SLC26A8: variants seen among roughly 807,000 people sequenced by gnomAD.
SLC26A8 encodes testis anion transporter 1.
A neutral mutation model predicts 105.0 loss-of-function variants in SLC26A8; 70 were observed. The observed-to-expected ratio is 0.67, with a 90% CI of 0.55 to 0.81. The LOEUF is 0.81. SLC26A8 is among the 40% of genes least tolerant of loss of function. SLC26A8 has a pLI of 0.00. For synonymous variants in SLC26A8, 415 were observed against 438.3 expected, an observed-to-expected ratio of 0.95 and a Z score of 0.66; for missense variants, 998 against 1,181.8, an observed-to-expected ratio of 0.84 and a Z score of 2.28.
intron 3 of SLC26A8, among the ~76,000 whole-genome samples, chr6:36,005,404 A>C (rs1411273729): frequency 2.0e-5 from 3 of 152,038 alleles, no homozygotes; most frequent in African/African-American, 7.2e-5. Flanking sequence ...TTTAGTTGTT[A>C]TTTCCCCTTA....
At chr6:35,992,392 T>A in intron 6 of SLC26A8, 118 bp downstream of exon 6, 1 of 1,002,468 alleles carries the variant, frequency 1.0e-6, no homozygotes, top group Admixed American at 2.9e-5. Context: ...TTGACTGAGC[T>A]GCCTATAGGC....
chr6:35,954,761 A>G (rs1460583612), intron 17 of SLC26A8: 1 of 227,944 alleles, frequency 4.4e-6, no homozygotes, highest in Non-Finnish European at 8.7e-6. Context: ...CCTGGCCAAC[A>G]TGGTGAAACC....
At chr6:35,982,337 G>C (rs1411798702) in intron 7 of SLC26A8, 134 bp from the exon 8 acceptor site, 3 of 755,692 alleles carry the variant, frequency 4.0e-6, no homozygotes, top group Non-Finnish European at 6.6e-6. Flanking sequence ...ATGCATGCAA[G>C]TTGGAGAGAG....
At chr6:35,955,772 C>T (rs925902516) in intron 16 of SLC26A8, among the ~76,000 whole-genome samples, 1 of 152,164 alleles carries the variant, frequency 6.6e-6, no homozygotes, top group Admixed American at 6.5e-5. Context: ...TCATCACTGT[C>T]CCAGTGAGCC....
rs1216908205 is a variant in SLC26A8, at chr6:35,951,164, T to A, written c.2471A>T (p.Lys824Met). Residue 824 changes from lysine to methionine, a missense_variant and splice_region_variant, in exon 19 of 20, where the codon AAG becomes ATG. Lys to Met is a moderately conservative substitution (Grantham distance 95). Coordinates refer to ENST00000490799, the MANE Select transcript of SLC26A8 (RefSeq NM_052961.4). ...VIRETYSETD[K>M]NDNSRYKMSS... The stretch of plus-strand genomic sequence containing the variant: ...TCATGCTTTGTCGGTTTGTCTGACC[T>A]TGTCTGTTTCTGAGTAGGTTTCCCG... The A allele has an allele frequency of 6.7e-7, 1 of 1,486,314 alleles. No individual in the cohort carries two copies. Among genetic ancestry groups the A allele is most frequent in the East Asian group, 2.8e-5 (1 of 35,734 alleles). The allele number at this position is 1,486,314 out of a possible 1,614,324, so 92.1% of individuals were successfully genotyped here. A position where few individuals can be genotyped will look rare whatever the true frequency, so the allele number is the denominator to read the frequency against.
intron 11 of SLC26A8, among the ~76,000 whole-genome samples, chr6:35,968,599 G>GTGTGTA (rs1324864670): frequency 0.018 from 746 of 40,354 alleles, 3 homozygotes; most frequent in Middle Eastern, 0.031. Context: ...ATGTGTGTGT[G>GTGTGTA]TGTGTGTGTG....
chr6:35,951,828 G>A (rs888838389), intron 17 of SLC26A8, among the ~76,000 whole-genome samples: 8 of 152,210 alleles, frequency 5.3e-5, no homozygotes, highest in Admixed American at 3.3e-4. Flanking sequence ...TGCCTGCCTC[G>A]ACGTCCCAAA....
intron 19 of SLC26A8, among the ~76,000 whole-genome samples, chr6:35,948,721 G>A (rs1328652762): frequency 6.6e-6 from 1 of 152,206 alleles, no homozygotes; most frequent in Non-Finnish European, 1.5e-5. Flanking sequence ...ATATCAGTAG[G>A]GGAAAGAAGG....
intron 3 of SLC26A8, among the ~76,000 whole-genome samples, chr6:36,009,486 C>A (rs527269366): frequency 1.3e-5 from 2 of 152,150 alleles, no homozygotes; most frequent in African/African-American, 4.8e-5. Context: ...AACTGTGATA[C>A]ATCTATACCA....
At chr6:35,997,593 T>C in intron 5 of SLC26A8, 145 bp downstream of exon 5, 1 of 785,952 alleles carries the variant, frequency 1.3e-6, no homozygotes, top group Non-Finnish European at 2.0e-6. Flanking sequence ...AGACACGCTA[T>C]TCACACAGCC....
At chr6:35,975,303 C>CTACTCTGAATATACATATGAATTGATA in intron 10 of SLC26A8, 72 bp downstream of exon 10, 1 of 778,480 alleles carries the variant, frequency 1.3e-6, no homozygotes, top group Non-Finnish European at 2.0e-6. Context: ...ATTTAATTCC[C>CTACTCTGAATATACATATGAATTGATA]TACTCTGAAT....
At position 35,968,714 on chromosome 6, in the gene SLC26A8, C is replaced by G. The variant is rs945655271; in HGVS notation, c.1365+163G>C. 6.0e-4 allele frequency among the ~76,000 whole-genome samples: 84 copies of G among 141,142 alleles called. 1 individual carries two copies. Among genetic ancestry groups the G allele is most frequent in the Non-Finnish European group, 8.7e-4 (57 of 65,862 alleles). The allele number at this position is 141,142 out of a possible 152,430, so 92.6% of individuals were successfully genotyped here. On this transcript the variant is annotated intron_variant, in intron 11 of 19. Coordinates refer to ENST00000490799, the MANE Select transcript of SLC26A8 (RefSeq NM_052961.4). ...ATACTATTATCTTGAATGAAAGGGA[C>G]TAGAGATAGGCTGGAGCAACCATTG...
At position 35,992,631 on chromosome 6, in the gene SLC26A8, A is replaced by G. The variant is rs1761205788; in HGVS notation, c.671T>C (p.Leu224Pro). 1.9e-6 allele frequency: 3 copies of G among 1,613,804 alleles called. No homozygotes were observed. Among genetic ancestry groups the G allele is most frequent in the Non-Finnish European group, 2.5e-6 (3 of 1,179,936 alleles). Residue 224 changes from leucine to proline, a missense_variant, in exon 6 of 20, where the codon CTT (leucine) becomes CCT (proline). Leu to Pro is a moderately conservative substitution (Grantham distance 98). Transcript: ENST00000490799. The part of the protein sequence containing the change: ...VLGLGFIATY[L>P]PESAMSAYLA... ...GTAAGCACTCATTGCAGACTCCGGAAGGTAAGTGGCAATGAAGCCCAAACC... is the reference window on the plus strand; with the variant it reads ...GTAAGCACTCATTGCAGACTCCGGAGGGTAAGTGGCAATGAAGCCCAAACC...
At chr6:35,999,849 G>T in intron 4 of SLC26A8, 143 bp downstream of exon 4, 1 of 586,226 alleles carries the variant, frequency 1.7e-6, no homozygotes, top group Non-Finnish European at 3.1e-6. Flanking sequence ...TCTACAATCT[G>T]AACACTAACT....
intron 3 of SLC26A8, among the ~76,000 whole-genome samples, chr6:36,002,389 T>C (rs1245145054): frequency 6.6e-6 from 1 of 152,194 alleles, no homozygotes; most frequent in Non-Finnish European, 1.5e-5. Flanking sequence ...TGAGAATATA[T>C]AGCTTGAATT....
At chr6:35,996,801 G>A (rs1007632717) in intron 5 of SLC26A8, among the ~76,000 whole-genome samples, 1 of 152,226 alleles carries the variant, frequency 6.6e-6, no homozygotes, top group East Asian at 1.9e-4. Context: ...TTGGGAGGCC[G>A]AGGTGGGTGG....
chr6:35,951,084 GCCCCCAACCACCCCTCACCCAT>G, intron 19 of SLC26A8, 57 bp downstream of exon 19: 2 of 1,285,992 alleles, frequency 1.6e-6, no homozygotes, highest in Non-Finnish European at 2.2e-6. Context: ...CTGACTCCCA[GCCCCCAACCACCCCTCACCCAT>G]CCCCCCACTG....
At chr6:36,016,907 C>T (rs554264262) in intron 2 of SLC26A8, among the ~76,000 whole-genome samples, 1 of 152,246 alleles carries the variant, frequency 6.6e-6, no homozygotes, top group Non-Finnish European at 1.5e-5. Context: ...AGCGGTGGCT[C>T]ATGCCTGTAA....
intron 14 of SLC26A8, 27 bp from the exon 15 acceptor site, chr6:35,959,833 G>A: frequency 1.8e-6 from 2 of 1,121,064 alleles, no homozygotes; most frequent in Non-Finnish European, 2.7e-6. Flanking sequence ...GAAGTTGAGG[G>A]AAATTTCTCA....
Sources: gnomAD v4.1 joint callset for allele counts (sites outside exome capture counted in the v4.1 genomes callset) on GRCh38, gnomAD v4.1.1 for gene constraint, MANE v1.5 for transcripts, NCBI Gene and HGNC (gene_info 2026-07-23, HGNC 2026-07-21) for gene names.